Variants in ATF6 observed in about 807,000 individuals in gnomAD.
ATF6 encodes cyclic AMP-dependent transcription factor ATF-6 alpha.
ATF6 carries 53 observed loss-of-function variants against 83.6 expected under a neutral mutation model. The ratio of observed to expected loss-of-function variants is 0.63; its 90% CI spans 0.51 to 0.80. ATF6 has a LOEUF of 0.80. Ranked by LOEUF, ATF6 falls within the 30% of genes least tolerant of loss-of-function variation. The pLI, the probability that ATF6 is intolerant of heterozygous loss-of-function variation, is 0.00. For synonymous variants in ATF6, 288 were observed against 285.8 expected (o/e 1.01, Z -0.08); for missense variants, 744 against 797.9 (o/e 0.93, Z 0.81).
At chr1:161,938,724 TATG>T (rs1203703086) in intron 15 of ATF6, among the ~76,000 whole-genome samples, 1 of 152,222 alleles carries the variant, frequency 6.6e-6, no homozygotes, top group Non-Finnish European at 1.5e-5. Context: ...AACAGCTTAT[TATG>T]AGGAAAGCTG....
chr1:161,829,539 G>A (rs570114135), intron 9 of ATF6, among the ~76,000 whole-genome samples: 3 of 152,140 alleles, frequency 2.0e-5, no homozygotes, highest in Non-Finnish European at 4.4e-5. Context: ...GATGAACATC[G>A]ATGAAAAAAT....
At chr1:161,775,413 A>G (rs1684491269) in intron 1 of ATF6, among the ~76,000 whole-genome samples, 1 of 152,074 alleles carries the variant, frequency 6.6e-6, no homozygotes, top group Non-Finnish European at 1.5e-5. Flanking sequence ...ATGGTTGCCA[A>G]ATGGTAACTA....
chr1:161,911,833 G>A (rs994249865), intron 14 of ATF6, among the ~76,000 whole-genome samples: 2 of 152,156 alleles, frequency 1.3e-5, no homozygotes, highest in Non-Finnish European at 2.9e-5. Flanking sequence ...TAAAAAAAAA[G>A]TTTGAGAATG....
chr1:161,806,875 G>C lies in ATF6; in HGVS notation c.909+4603G>C, dbSNP rs190858329. Reference sequence around the variant, plus strand: ...TTTGTATTTCCTTTCTCTAGAATTGGTGTACAGTTAATTTAGGGATTTCAG... The same window carrying C: ...TTTGTATTTCCTTTCTCTAGAATTGCTGTACAGTTAATTTAGGGATTTCAG... On this transcript the variant is annotated intron_variant, in intron 7 of 15. Transcript: ENST00000367942. Among the ~76,000 whole-genome samples the C allele has an allele frequency of 2.0e-3, 304 of 152,214 alleles. 1 individual carries two copies. The highest frequency in any genetic ancestry group is 7.1e-3 in the African/African-American group (294 of 41,538).
At chr1:161,802,999 A>G (rs1685193043) in intron 7 of ATF6, among the ~76,000 whole-genome samples, 1 of 152,244 alleles carries the variant, frequency 6.6e-6, no homozygotes. Flanking sequence ...AAAGCTATAT[A>G]GTCAAACAGT....
At position 161,929,201 on chromosome 1, in the gene ATF6, A is replaced by G. The variant is rs142162628; in HGVS notation, c.1804+16821A>G. Among the ~76,000 whole-genome samples, 740 of 152,308 alleles carry G rather than the reference A, an allele frequency of 4.9e-3. 3 individuals are homozygous for G. Among genetic ancestry groups the G allele is most frequent in the Non-Finnish European group, 7.1e-3 (482 of 68,022 alleles). ...CAATCAGTTTTCTTAGTTTCAGGTG[A>G]CAGAAACTAACTCTGGGTAACTTAA... On this transcript the variant is annotated intron_variant, in intron 15 of 15. Coordinates refer to ENST00000367942, the MANE Select transcript of ATF6 (RefSeq NM_007348.4).
chr1:161,778,121 T>A, intron 1 of ATF6, 123 bp from the exon 2 acceptor site: 2 of 649,348 alleles, frequency 3.1e-6, no homozygotes, highest in Non-Finnish European at 2.6e-6. Flanking sequence ...ATTACTGGAG[T>A]TTATCAATAA....
At position 161,784,110 on chromosome 1, in the gene ATF6, C is replaced by A; in HGVS notation, c.354+14C>A. The A allele has an allele frequency of 6.3e-7, 1 of 1,575,740 alleles. No homozygotes were observed. Among genetic ancestry groups the A allele is most frequent in the Non-Finnish European group, 8.7e-7 (1 of 1,147,848 alleles). On this transcript the variant is annotated intron_variant, in intron 4 of 15. Coordinates refer to ENST00000367942, the MANE Select transcript of ATF6 (RefSeq NM_007348.4). Reference sequence around the variant, plus strand: ...CAGCATGTTCCTGTGAGTAGCCAGTCTTTTACAATGATTTTGGTTATAATA... The same window carrying A: ...CAGCATGTTCCTGTGAGTAGCCAGTATTTTACAATGATTTTGGTTATAATA...
At chr1:161,785,140 A>G (rs1684716754) in intron 4 of ATF6, among the ~76,000 whole-genome samples, 2 of 152,200 alleles carry the variant, frequency 1.3e-5, no homozygotes, top group South Asian at 2.1e-4. Context: ...TATGCACTCT[A>G]CTCATTCAAC....
chr1:161,918,135 GTA>G (rs973747927), intron 15 of ATF6, among the ~76,000 whole-genome samples: 6 of 152,078 alleles, frequency 3.9e-5, no homozygotes, highest in African/African-American at 1.4e-4. Flanking sequence ...ATTGGGAGCA[GTA>G]TAACATAATA....
Position 161,906,048 on chromosome 1 carries a change from T to C in ATF6, c.1720-6248T>C, listed in dbSNP as rs565608834. On this transcript the variant is annotated intron_variant, in intron 14 of 15. Coordinates refer to ENST00000367942, the MANE Select transcript of ATF6 (RefSeq NM_007348.4). Reference sequence around the variant, plus strand: ...CGGGGTTTCACCATGTTAGCCATGATGGTCTTGATCTCCTGACCTCATGAT... The same window carrying C: ...CGGGGTTTCACCATGTTAGCCATGACGGTCTTGATCTCCTGACCTCATGAT... 7.2e-5 allele frequency among the ~76,000 whole-genome samples: 11 copies of C among 152,304 alleles called. No individual in the cohort carries two copies. The South Asian group carries it at 2.1e-3, about 29-fold the overall frequency.
intron 9 of ATF6, among the ~76,000 whole-genome samples, chr1:161,821,677 T>C (rs567972070): frequency 6.6e-6 from 1 of 152,320 alleles, no homozygotes; most frequent in South Asian, 2.1e-4. Context: ...TGCCTGAGGC[T>C]AGATATATGG....
intron 15 of ATF6, among the ~76,000 whole-genome samples, chr1:161,921,395 A>C (rs1688209578): frequency 6.6e-6 from 1 of 152,198 alleles, no homozygotes; most frequent in African/African-American, 2.4e-5. Context: ...ATATAGAAAA[A>C]AATGAAGAGC....
In ATF6 at chr1:161,769,445, G is replaced by T. The variant is rs139822168; in HGVS notation, c.82+3003G>T. On this transcript the variant is annotated intron_variant, in intron 1 of 15. Coordinates refer to ENST00000367942, the MANE Select transcript of ATF6 (RefSeq NM_007348.4). ...CCCATCATTTAAAGTTCACTCTGTT[G>T]TACATTCTATGGCAGGGATCCCCAG... is the stretch of plus-strand genomic sequence containing the variant. Among the ~76,000 whole-genome samples, 258 of 152,184 alleles carry T rather than the reference G, an allele frequency of 1.7e-3. 6 individuals are homozygous for T. In the East Asian group the frequency reaches 0.045, roughly 27 times the overall value.
At position 161,802,122 on chromosome 1, in the gene ATF6, G is replaced by A. The variant is rs762938736; in HGVS notation, c.759G>A (p.Gln253=). The change falls in exon 7 of 16, where the codon CAG becomes CAA. Residue 253 remains glutamine (Q), a synonymous_variant. Coordinates refer to ENST00000367942, the MANE Select transcript of ATF6 (RefSeq NM_007348.4). ...LQAPGVLPSA[Q]PVLAVAGGVT... ...CACCTGGAGTTCTGCCCTCTGCTCAGCCAGTCCTTGCTGTTGCTGGGGGAG... is the reference window on the plus strand; with the variant it reads ...CACCTGGAGTTCTGCCCTCTGCTCAACCAGTCCTTGCTGTTGCTGGGGGAG... 8.7e-6 allele frequency: 14 copies of A among 1,614,070 alleles called. No homozygotes were observed. The highest frequency in any genetic ancestry group is 3.3e-5 in the South Asian group (3 of 91,082).
intron 15 of ATF6, among the ~76,000 whole-genome samples, chr1:161,924,025 C>T (rs775354019): frequency 1.3e-5 from 2 of 152,144 alleles, no homozygotes; most frequent in Non-Finnish European, 2.9e-5. Context: ...TGTTAAGCTC[C>T]TCCTAATGGA....
At chr1:161,950,613 A>G (rs1344242561) in intron 15 of ATF6, among the ~76,000 whole-genome samples, 2 of 152,202 alleles carry the variant, frequency 1.3e-5, no homozygotes, top group East Asian at 3.8e-4. Flanking sequence ...GCCATTCCTC[A>G]TGTTGGCTGA....
intron 7 of ATF6, among the ~76,000 whole-genome samples, chr1:161,817,255 A>G (rs1007321931): frequency 1.3e-5 from 2 of 152,224 alleles, no homozygotes; most frequent in African/African-American, 4.8e-5. Flanking sequence ...CAGATTAATT[A>G]GCCTTTAAAG....
chr1:161,823,458 C>T (rs1557979822), intron 9 of ATF6, among the ~76,000 whole-genome samples: 1 of 151,920 alleles, frequency 6.6e-6, no homozygotes, highest in Non-Finnish European at 1.5e-5. Flanking sequence ...TTTTGAAAAC[C>T]AGAAAACCAA....
Sources: gnomAD v4.1 joint callset for allele counts (sites outside exome capture counted in the v4.1 genomes callset) on GRCh38, gnomAD v4.1.1 for gene constraint, MANE v1.5 for transcripts, NCBI Gene and HGNC (gene_info 2026-07-23, HGNC 2026-07-21) for gene names.